Variants in FAM221B observed in about 807,000 individuals in gnomAD.
The protein encoded by FAM221B is protein FAM221B.
A neutral mutation model predicts 39.8 loss-of-function variants in FAM221B; 35 were observed. The observed-to-expected ratio is 0.88, with a 90% CI of 0.67 to 1.17. The LOEUF is 1.17. Ranked by LOEUF, FAM221B falls within the 50% of genes most tolerant of loss-of-function variation. FAM221B has a pLI of 0.00. For synonymous variants in FAM221B, 158 were observed against 178.1 expected (o/e 0.89, Z 0.90); for missense variants, 479 against 503.1 (o/e 0.95, Z 0.46).
chr9:35,820,239 T>C (rs1181218950), intron 3 of FAM221B, among the ~76,000 whole-genome samples: 1 of 152,188 alleles, frequency 6.6e-6, no homozygotes, highest in African/African-American at 2.4e-5. Flanking sequence ...CTACTCCATC[T>C]TTGTCAGCCT....
In FAM221B at chr9:35,817,562, G is replaced by C. The variant is rs1234398741; in HGVS notation, c.*907C>G. The C allele has an allele frequency of 6.6e-6, 1 of 152,152 alleles. No individual in the cohort carries two copies. Among genetic ancestry groups the C allele is most frequent in the African/African-American group, 2.4e-5 (1 of 41,404 alleles). The allele number at this position is 152,152 out of a possible 1,614,324, so 9.4% of individuals were successfully genotyped here. ...TTTGGATTCTCTGCTTCTCTAACTA[G>C]GTTCTCACTTCCAACTGTGCCCGAA... On this transcript the variant is annotated 3_prime_UTR_variant, in exon 7 of 7. Transcript: ENST00000423537.
At chr9:35,823,759 G>T (rs549465786) in intron 3 of FAM221B, among the ~76,000 whole-genome samples, 119 of 152,028 alleles carry the variant, frequency 7.8e-4, no homozygotes, top group Admixed American at 1.6e-3. Context: ...TGACCTCCTG[G>T]GCTCAAGTAA....
chr9:35,818,254 C>G lies in FAM221B; in HGVS notation c.*215G>C. 1.7e-6 allele frequency: 1 copy of G among 579,514 alleles called. No homozygotes were observed. Among genetic ancestry groups the G allele is most frequent in the South Asian group, 2.1e-5 (1 of 48,028 alleles). The allele number at this position is 579,514 out of a possible 1,614,324, so 35.9% of individuals were successfully genotyped here. On this transcript the variant is annotated 3_prime_UTR_variant, in exon 7 of 7. Coordinates refer to ENST00000423537, the MANE Select transcript of FAM221B (RefSeq NM_001012446.4). ...CACTCTATCCTTCTTGAAACTTCCT[C>G]CCTTCTTGACTTCCTTGAAGCCACT...
Position 35,825,157 on chromosome 9 carries a change from G to T in FAM221B, c.742+73C>A. 1 of 1,565,834 alleles carries T rather than the reference G, an allele frequency of 6.4e-7. No individual in the cohort carries two copies. The highest frequency in any genetic ancestry group is 8.7e-7 in the Non-Finnish European group (1 of 1,146,372). On this transcript the variant is annotated intron_variant, in intron 3 of 6. Coordinates refer to ENST00000423537, the MANE Select transcript of FAM221B (RefSeq NM_001012446.4). This position sits in a 1 kb window ranked among gnomAD's most constrained non-coding sequence, Gnocchi z 4.2. ...GGGGAAGCTATCTGCTGAATGTTCA[G>T]GTTCCCAGATCTTTTGGATTAGAGG...
At chr9:35,818,790 G>A (rs545396215) in intron 6 of FAM221B, 100 bp downstream of exon 6, 9 of 1,487,022 alleles carry the variant, frequency 6.1e-6, no homozygotes, top group South Asian at 3.8e-5. Flanking sequence ...GAGGGAGCGC[G>A]CTAGTCCTGG....
chr9:35,828,429 G>A lies in FAM221B; in HGVS notation c.-1+34C>T. ...GGGAGAAAGACAGATGTCTTTGAGG[G>A]AAGAGGGCAAGGGCCGTTGGAGAAA... is the stretch of plus-strand genomic sequence containing the variant. On this transcript the variant is annotated intron_variant, in intron 1 of 6. Coordinates refer to ENST00000423537, the MANE Select transcript of FAM221B (RefSeq NM_001012446.4). This position sits in a 1 kb window ranked among gnomAD's most constrained non-coding sequence, Gnocchi z 4.5. 2.1e-6 allele frequency: 2 copies of A among 941,540 alleles called. No homozygotes were observed. The highest frequency in any genetic ancestry group is 2.5e-6 in the Non-Finnish European group (2 of 790,036). The allele number at this position is 941,540 out of a possible 1,614,324, so 58.3% of individuals were successfully genotyped here. A position where few individuals can be genotyped will look rare whatever the true frequency, so the allele number is the denominator to read the frequency against.
rs1829355028 is a variant in FAM221B, at chr9:35,826,271, G to GT, written c.1-111dup. 7.6e-6 allele frequency: 6 copies of GT among 792,758 alleles called. No individual in the cohort carries two copies. In the East Asian group the frequency reaches 1.5e-4, roughly 19 times the overall value. The allele number at this position is 792,758 out of a possible 1,614,324, so 49.1% of individuals were successfully genotyped here. A position where few individuals can be genotyped will look rare whatever the true frequency, so the allele number is the denominator to read the frequency against. The stretch of plus-strand genomic sequence containing the variant: ...TTATGGAATTTGGATAAGGATATCA[G>GT]TGCAGCTGAGATATAAGAGGGAAAC... On this transcript the variant is annotated intron_variant, in intron 1 of 6. Transcript: ENST00000423537.
At position 35,826,032 on chromosome 9, in the gene FAM221B, T is replaced by TG. The variant is rs1464966475; in HGVS notation, c.129dup (p.Thr44HisfsTer3). 5 of 1,613,822 alleles carry TG rather than the reference T, an allele frequency of 3.1e-6. No individual in the cohort carries two copies. The African/African-American group carries it at 5.3e-5, about 17-fold the overall frequency. On this transcript the variant is annotated frameshift_variant, in exon 2 of 7. Transcript: ENST00000423537. LOFTEE classifies it high-confidence loss of function. ...TGGGGCTCTAACGGGGTCTCAGAGGTGGAAGGCTTCAAGAAGCTTTCAGAG... is the reference window on the plus strand; with the variant it reads ...TGGGGCTCTAACGGGGTCTCAGAGGTGGGAAGGCTTCAAGAAGCTTTCAGAG...
chr9:35,820,046 C>G, intron 3 of FAM221B, 46 bp from the exon 4 acceptor site: 1 of 1,432,986 alleles, frequency 7.0e-7, no homozygotes, highest in Non-Finnish European at 9.8e-7. Flanking sequence ...ATTCTAAGCT[C>G]CCCCGAAGTG....
Position 35,825,727 on chromosome 9 carries a change from A to G in FAM221B, c.435T>C (p.His145=). 6.2e-7 allele frequency: 1 copy of G among 1,614,192 alleles called. No individual in the cohort carries two copies. The highest frequency in any genetic ancestry group is 8.5e-7 in the Non-Finnish European group (1 of 1,180,036). The change falls in exon 2 of 7, where the codon CAT becomes CAC. Residue 145 remains histidine (H), a synonymous_variant. Coordinates refer to ENST00000423537, the MANE Select transcript of FAM221B (RefSeq NM_001012446.4). The surrounding 1 kb of genome is among the most constrained non-coding windows in gnomAD (Gnocchi z 4.2). ...CTGGAAGGCTCTCAGATTCAGAGAG[A>G]TGGGTAGACCTCCTTGTCCATGGGA... ...NEVPWTRRST[H]LSESESLPEH...
chr9:35,819,286 A>C lies in FAM221B; in HGVS notation c.962T>G (p.Phe321Cys). The change falls in exon 5 of 7, where the codon TTT becomes TGT. Residue 321 changes from phenylalanine (F) to cysteine (C), a missense_variant. Transcript: ENST00000423537. The part of the protein sequence containing the change: ...GEFWLKRRAT[F>C]DPKAWRAQCR... Reference sequence around the variant, plus strand: ...TTGGGCCCTCCAGGCCTTGGGGTCAAAGGTGGCCCGTCTCTTGAGCCAGAA... The same window carrying C: ...TTGGGCCCTCCAGGCCTTGGGGTCACAGGTGGCCCGTCTCTTGAGCCAGAA... 1 of 1,551,722 alleles carries C rather than the reference A, an allele frequency of 6.4e-7. No homozygotes were observed. Among genetic ancestry groups the C allele is most frequent in the Non-Finnish European group, 8.7e-7 (1 of 1,146,994 alleles).
At chr9:35,819,110 C>T in intron 5 of FAM221B, 87 bp downstream of exon 5, 1 of 1,533,952 alleles carries the variant, frequency 6.5e-7, no homozygotes. Context: ...GCCCAAGGCT[C>T]TCATACCTGC....
intron 3 of FAM221B, among the ~76,000 whole-genome samples, chr9:35,824,115 T>A (rs1829228205): frequency 6.6e-6 from 1 of 152,184 alleles, no homozygotes; most frequent in Admixed American, 6.5e-5. Flanking sequence ...CATTTAGAAT[T>A]ACCTGCTTGT....
At chr9:35,818,565 G>A (rs1047404707) in intron 6 of FAM221B, 59 bp from the exon 7 acceptor site, 13 of 1,504,132 alleles carry the variant, frequency 8.6e-6, no homozygotes, top group South Asian at 2.4e-5. Context: ...AGGGAGGCCA[G>A]GCTGGAGACC....
In FAM221B at chr9:35,825,912, G is replaced by A. The variant is rs754494521; in HGVS notation, c.250C>T (p.Pro84Ser). Reference protein sequence around the residue: ...THQEPSISETPSETPTYEASL... With the variant: ...THQEPSISETSSETPTYEASL... ...GCCTCATAGGTAGGGGTCTCTGAAG[G>A]AGTCTCAGAGATGGAAGGCTCCTGA... The change falls in exon 2 of 7, where the codon CCT becomes TCT. Residue 84 changes from proline to serine, a missense_variant. Physicochemically the swap from Pro to Ser is moderately conservative, Grantham distance 74. Transcript: ENST00000423537. This position sits in a 1 kb window ranked among gnomAD's most constrained non-coding sequence, Gnocchi z 4.2. 3 of 1,614,054 alleles carry A rather than the reference G, an allele frequency of 1.9e-6. No homozygotes were observed. Among genetic ancestry groups the A allele is most frequent in the Non-Finnish European group, 2.5e-6 (3 of 1,179,954 alleles).
intron 3 of FAM221B, chr9:35,821,572 A>C (rs769281485): frequency 1.5e-5 from 20 of 1,367,936 alleles, no homozygotes; most frequent in Non-Finnish European, 2.0e-5. Flanking sequence ...AGGTATAGGC[A>C]GTCACAATGC....
rs555959687 is a variant in FAM221B at position 35,821,694 on chromosome 9, G to A, written c.743-1694C>T. 8.1e-5 allele frequency: 97 copies of A among 1,199,846 alleles called. 1 individual carries two copies. In the South Asian group the frequency reaches 9.5e-4, roughly 12 times the overall value. The allele number at this position is 1,199,846 out of a possible 1,614,324, so 74.3% of individuals were successfully genotyped here. ...CCAAAGATCAAGGCCTGCTCGGAGG[G>A]CCGGGGGGCAGTCAAGTCCAAGCAC... On this transcript the variant is annotated intron_variant, in intron 3 of 6. Coordinates refer to ENST00000423537, the MANE Select transcript of FAM221B (RefSeq NM_001012446.4).
rs767109073 is a variant in FAM221B, at chr9:35,825,920, G to A, written c.242C>T (p.Ser81Phe). The change falls in exon 2 of 7, where the codon TCT (serine) becomes TTT (phenylalanine). Residue 81 changes from serine (S) to phenylalanine (F), a missense_variant. By Grantham distance (155) the Ser-to-Phe change is radical. Transcript: ENST00000423537. The surrounding 1 kb of genome is among the most constrained non-coding windows in gnomAD (Gnocchi z 4.2). ...SPETHQEPSISETPSETPTYE... is the reference protein window; with the variant it reads ...SPETHQEPSIFETPSETPTYE... ...GGTAGGGGTCTCTGAAGGAGTCTCA[G>A]AGATGGAAGGCTCCTGATGGGTTTC... 1 of 1,614,118 alleles carries A rather than the reference G, an allele frequency of 6.2e-7. No individual in the cohort carries two copies. Among genetic ancestry groups the A allele is most frequent in the South Asian group, 1.1e-5 (1 of 91,068 alleles).
intron 3 of FAM221B, among the ~76,000 whole-genome samples, chr9:35,823,522 G>T (rs541204385): frequency 6.5e-4 from 99 of 152,268 alleles, no homozygotes; most frequent in African/African-American, 2.3e-3. Flanking sequence ...TAATTGTTCG[G>T]GGTTGAATGA....
Sources: allele counts gnomAD v4.1 joint callset (sites outside exome capture counted in the v4.1 genomes callset), GRCh38; gene constraint gnomAD v4.1.1; non-coding constraint Gnocchi (gnomAD v3.1); transcripts MANE v1.5; gene names NCBI Gene and HGNC (gene_info 2026-07-23, HGNC 2026-07-21).